Variants in AAGAB observed in about 807,000 individuals in gnomAD.
AAGAB encodes the protein alpha and gamma adaptin binding protein, also known as alpha- and gamma-adaptin-binding protein p34.
A neutral mutation model predicts 44.1 loss-of-function variants in AAGAB; 38 were observed. The observed-to-expected ratio is 0.86, with a 90% confidence interval of 0.67 to 1.13. AAGAB has a LOEUF of 1.13. Ranked by LOEUF, AAGAB falls within the 50% of genes most tolerant of loss-of-function variation. The pLI is 0.00. For missense variants in AAGAB, 450 were observed against 373.8 expected (o/e 1.20, Z -1.68); for synonymous variants, 131 against 131.8 (o/e 0.99, Z 0.04).
At chr15:67,221,837 C>G (rs898808170) in intron 5 of AAGAB, among the ~76,000 whole-genome samples, 4 of 152,194 alleles carry the variant, frequency 2.6e-5, no homozygotes, top group Non-Finnish European at 2.9e-5. Context: ...TTCCAGCAAT[C>G]TGAGTCTCAG....
rs145077551 is a variant in AAGAB, at chr15:67,247,540, A to C, written c.73+7019T>G. 6.8e-4 allele frequency among the ~76,000 whole-genome samples: 103 copies of C among 152,354 alleles called. 4 individuals are homozygous for C. In the East Asian group the frequency reaches 0.012, roughly 17 times the overall value. ...AGGATGATAAAATATTTTCTGTATC[A>C]TAAGTGGTTTTGTACAATATGGGCT... On this transcript the variant is annotated intron_variant, in intron 1 of 9. Transcript: ENST00000261880.
At chr15:67,216,557 C>A (rs1343206129) in intron 5 of AAGAB, among the ~76,000 whole-genome samples, 2 of 144,350 alleles carry the variant, frequency 1.4e-5, no homozygotes, top group Admixed American at 7.0e-5. Context: ...CCTATGCACA[C>A]ATACACACAA....
intron 5 of AAGAB, among the ~76,000 whole-genome samples, chr15:67,222,243 C>CAT (rs1964094876): frequency 6.2e-5 from 1 of 16,080 alleles, no homozygotes; most frequent in Admixed American, 4.8e-4. Context: ...CGCGCGCGCG[C>CAT]ACACACACAC....
At chr15:67,222,282 A>ACACACACACACACACCC (rs796412643) in intron 5 of AAGAB, among the ~76,000 whole-genome samples, 61 of 139,920 alleles carry the variant, frequency 4.4e-4, no homozygotes, top group Non-Finnish European at 8.1e-4. Flanking sequence ...ACACACACAC[A>ACACACACACACACACCC]CCCTCCACCC....
intron 5 of AAGAB, 67 bp downstream of exon 5, chr15:67,231,747 T>A (rs1964340040): frequency 7.9e-7 from 1 of 1,265,534 alleles, no homozygotes; most frequent in Admixed American, 1.7e-5. Context: ...GTTCCACATA[T>A]ATCTCAATAA....
chr15:67,251,165 A>G (rs1279513979), intron 1 of AAGAB, among the ~76,000 whole-genome samples: 1 of 152,204 alleles, frequency 6.6e-6, no homozygotes, highest in Non-Finnish European at 1.5e-5. Context: ...AATGAAGTCC[A>G]TGCATGCACT....
intron 5 of AAGAB, among the ~76,000 whole-genome samples, chr15:67,211,870 T>C (rs747248935): frequency 3.4e-5 from 5 of 147,286 alleles, no homozygotes; most frequent in East Asian, 2.0e-4. Context: ...AGCAGTCTAT[T>C]TGAAATGCCT....
chr15:67,209,606 T>G (rs1963765146), intron 5 of AAGAB, 62 bp from the exon 6 acceptor site: 8 of 1,290,050 alleles, frequency 6.2e-6, no homozygotes, highest in Non-Finnish European at 7.8e-6. Flanking sequence ...TTCAAATGGC[T>G]ATGATGATGA....
chr15:67,217,695 G>A (rs1298404528), intron 5 of AAGAB, among the ~76,000 whole-genome samples: 3 of 151,998 alleles, frequency 2.0e-5, no homozygotes, highest in African/African-American at 2.4e-5. Context: ...CCACCACCAC[G>A]CCCAGCTAAT....
chr15:67,224,131 C>T (rs1481792840), intron 5 of AAGAB, among the ~76,000 whole-genome samples: 1 of 152,164 alleles, frequency 6.6e-6, no homozygotes, highest in Non-Finnish European at 1.5e-5. Context: ...AGTCTCCCAC[C>T]AGAATGAAAG....
At chr15:67,222,242 GCACACACACA>G (rs370826027) in intron 5 of AAGAB, among the ~76,000 whole-genome samples, 37 of 90,042 alleles carry the variant, frequency 4.1e-4, no homozygotes, top group Non-Finnish European at 5.7e-4. Flanking sequence ...GCGCGCGCGC[GCACACACACA>G]CACACACACA....
chr15:67,247,496 A>G (rs919580388), intron 1 of AAGAB, among the ~76,000 whole-genome samples: 7 of 152,210 alleles, frequency 4.6e-5, no homozygotes, highest in Non-Finnish European at 8.8e-5. Flanking sequence ...TCTGATTCTA[A>G]ACATGCTCAG....
chr15:67,221,409 TATGCAATTA>T (rs2140359599), intron 5 of AAGAB, among the ~76,000 whole-genome samples: 1 of 152,370 alleles, frequency 6.6e-6, no homozygotes, highest in Admixed American at 6.5e-5. Context: ...TGGATTTCTC[TATGCAATTA>T]ATTGCTTCTA....
At chr15:67,255,119 A>G, upstream of AAGAB, 2 of 667,826 alleles carry the variant, frequency 3.0e-6, no homozygotes, top group Non-Finnish European at 5.4e-6. Flanking sequence ...ACGGCCCAGC[A>G]CACTCCCGGT....
At chr15:67,236,138 T>G (rs1021211645) in intron 3 of AAGAB, 70 bp from the exon 4 acceptor site, 10 of 1,207,780 alleles carry the variant, frequency 8.3e-6, no homozygotes, top group Admixed American at 5.8e-5. Context: ...TGCAATATTC[T>G]TCACAAATCT....
chr15:67,251,607 T>C (rs1312734284), intron 1 of AAGAB, among the ~76,000 whole-genome samples: 6 of 152,146 alleles, frequency 3.9e-5, no homozygotes, highest in Non-Finnish European at 7.3e-5. Context: ...TTCCCACTGG[T>C]GGTTAAAAGC....
chr15:67,240,415 G>C (rs1383650098), intron 1 of AAGAB, among the ~76,000 whole-genome samples: 1 of 152,154 alleles, frequency 6.6e-6, no homozygotes, highest in African/African-American at 2.4e-5. Flanking sequence ...ATGCCAGCCT[G>C]TCTCATTCAC....
intron 1 of AAGAB, among the ~76,000 whole-genome samples, chr15:67,250,908 T>G (rs1189868610): frequency 6.6e-6 from 1 of 152,042 alleles, no homozygotes; most frequent in Non-Finnish European, 1.5e-5. Context: ...GCGCCTGTAG[T>G]CCCAGCTACT....
chr15:67,251,068 G>C (rs1282238975), intron 1 of AAGAB, among the ~76,000 whole-genome samples: 2 of 151,998 alleles, frequency 1.3e-5, no homozygotes, highest in East Asian at 3.9e-4. Context: ...AATCTACCCC[G>C]TCAGTAATGC....
Sources: allele counts gnomAD v4.1 joint callset (sites outside exome capture counted in the v4.1 genomes callset), GRCh38; gene constraint gnomAD v4.1.1; transcripts MANE v1.5; gene names NCBI Gene and HGNC (gene_info 2026-07-23, HGNC 2026-07-21).